Variants in IFT122 observed in about 807,000 individuals in gnomAD.
IFT122 encodes the protein intraflagellar transport protein 122 homolog.
Under a neutral mutation model 161.6 loss-of-function variants are expected in IFT122, and 118 were observed. The ratio of observed to expected loss-of-function variants is 0.73; its 90% CI spans 0.63 to 0.85. The LOEUF (loss-of-function observed/expected upper bound fraction) is 0.85. Ranked by LOEUF, IFT122 falls within the 40% of genes least tolerant of loss-of-function variation. The probability of loss-of-function intolerance (pLI) is 0.00; values close to 1 mark genes in which losing one functional copy is unlikely to be tolerated. For missense variants in IFT122, 1,381 were observed against 1,579.6 expected, an observed-to-expected ratio of 0.87 and a Z score of 2.13; for synonymous variants, 550 against 602.4, an observed-to-expected ratio of 0.91 and a Z score of 1.27.
At chr3:129,495,394 G>C in intron 17 of IFT122, 52 bp from the exon 18 acceptor site, 1 of 1,608,368 alleles carries the variant, frequency 6.2e-7, no homozygotes, top group South Asian at 1.1e-5. Context: ...TGTAAAGGCT[G>C]CTTCCTGCCC....
In IFT122 at chr3:129,454,909, C is replaced by T. The variant is rs75005271; in HGVS notation, c.193+2911C>T. On this transcript the variant is annotated intron_variant, in intron 3 of 29. Coordinates refer to ENST00000348417, the MANE Select transcript of IFT122 (RefSeq NM_052989.3). ...CAGGCAGCAAGGGGACTCTTATCTC[C>T]GCTCAAAGATGAGAAAACAGACTTG... Among the ~76,000 whole-genome samples the T allele has an allele frequency of 8.4e-3, 1,277 of 152,220 alleles. 14 individuals carry two copies. Among genetic ancestry groups the T allele is most frequent in the African/African-American group, 0.029 (1,216 of 41,540 alleles).
In IFT122 at chr3:129,440,310, C is replaced by T. The variant is rs746276677; in HGVS notation, c.-21C>T. On this transcript the variant is annotated 5_prime_UTR_variant, in exon 1 of 30. Transcript: ENST00000348417. ...GACGCTGAGGCGGGTAGGAGGAGCC[C>T]GAGCCGTAAGGGAAGCCGTGATGAG... 1 of 1,545,316 alleles carries T rather than the reference C, an allele frequency of 6.5e-7. No individual in the cohort carries two copies. The highest frequency in any genetic ancestry group is 2.4e-5 in the East Asian group (1 of 40,874).
At chr3:129,502,650 A>C (rs1416728395) in intron 19 of IFT122, 61 bp from the exon 20 acceptor site, 1 of 1,580,884 alleles carries the variant, frequency 6.3e-7, no homozygotes, top group Admixed American at 1.7e-5. Flanking sequence ...ATGAATGGAC[A>C]TACGGCTTGC....
At position 129,512,746 on chromosome 3, in the gene IFT122, G is replaced by A. The variant is rs538179022; in HGVS notation, c.2987+334G>A. The A allele has an allele frequency of 1.6e-3, 650 of 397,676 alleles. 8 individuals carry two copies. Among genetic ancestry groups the A allele is most frequent in the South Asian group, 0.015 (635 of 43,640 alleles). 24.6% of individuals were successfully genotyped at this position (397,676 alleles called of 1,614,324 possible). A position where few individuals can be genotyped will look rare whatever the true frequency, so the allele number is the denominator to read the frequency against. ...CAGGCCTTCAGGCTTGGAACCTTGG[G>A]CACTTCTCCAGACTGGGGAGGAGGG... is the stretch of plus-strand genomic sequence containing the variant. On this transcript the variant is annotated intron_variant, in intron 24 of 29. Transcript: ENST00000348417.
At chr3:129,496,042 G>A (rs1209680307) in intron 18 of IFT122, among the ~76,000 whole-genome samples, 3 of 152,258 alleles carry the variant, frequency 2.0e-5, no homozygotes, top group African/African-American at 7.2e-5. Context: ...GTTTCCCATA[G>A]CACCTGCTGA....
At chr3:129,502,207 C>G (rs1160109552) in intron 19 of IFT122, among the ~76,000 whole-genome samples, 1 of 152,228 alleles carries the variant, frequency 6.6e-6, no homozygotes, top group Non-Finnish European at 1.5e-5. Context: ...CTTTAGAGGG[C>G]AGTCATTGAG....
intron 11 of IFT122, among the ~76,000 whole-genome samples, chr3:129,477,716 G>A (rs966107642): frequency 6.6e-6 from 1 of 152,208 alleles, no homozygotes; most frequent in Non-Finnish European, 1.5e-5. Flanking sequence ...CTGATCACCG[G>A]GGGCCACTAG....
Position 129,506,422 on chromosome 3 carries a change from T to C in IFT122, c.2664T>C (p.Ala888=). ...CCACTCCTACAGCGTTCCACAAGGCTGGGCGACAGAGAGAAGCGGTCCAGG... is the reference window on the plus strand; with the variant it reads ...CCACTCCTACAGCGTTCCACAAGGCCGGGCGACAGAGAGAAGCGGTCCAGG... ...FEEAQKAFHK[A]GRQREAVQVL... is the part of the protein sequence containing the mutation. Residue 888 remains alanine, a synonymous_variant, in exon 22 of 30, where the codon GCT becomes GCC. Transcript: ENST00000348417. The C allele has an allele frequency of 6.2e-7, 1 of 1,614,122 alleles. No homozygotes were observed. Among genetic ancestry groups the C allele is most frequent in the Non-Finnish European group, 8.5e-7 (1 of 1,180,040 alleles).
intron 1 of IFT122, among the ~76,000 whole-genome samples, chr3:129,445,559 C>T (rs1055811457): frequency 5.3e-5 from 8 of 152,196 alleles, no homozygotes; most frequent in Non-Finnish European, 1.0e-4. Context: ...AAATGTTAGT[C>T]ACTGTTATTA....
intron 9 of IFT122, among the ~76,000 whole-genome samples, chr3:129,474,379 G>A (rs2108256700): frequency 6.6e-6 from 1 of 152,190 alleles, no homozygotes; most frequent in Non-Finnish European, 1.5e-5. Context: ...ATCACAAATC[G>A]TCTTTTTATT....
chr3:129,517,941 C>T (rs1249492016), intron 27 of IFT122, among the ~76,000 whole-genome samples: 3 of 152,222 alleles, frequency 2.0e-5, no homozygotes, highest in Admixed American at 6.5e-5. Flanking sequence ...TGTTGGCCCC[C>T]AGCTCTTCCA....
chr3:129,440,572 A>T (rs909978275), intron 1 of IFT122, among the ~76,000 whole-genome samples: 1 of 152,098 alleles, frequency 6.6e-6, no homozygotes, highest in Non-Finnish European at 1.5e-5. Flanking sequence ...CGGCAAAGGG[A>T]GGTGCCGCGC....
intron 1 of IFT122, among the ~76,000 whole-genome samples, chr3:129,448,547 G>A (rs542594894): frequency 2.6e-5 from 4 of 152,084 alleles, no homozygotes; most frequent in African/African-American, 9.7e-5. Flanking sequence ...CATGTTGCCC[G>A]TTTCTTTACT....
At chr3:129,460,002 G>C (rs2076054727) in intron 4 of IFT122, among the ~76,000 whole-genome samples, 1 of 151,604 alleles carries the variant, frequency 6.6e-6, no homozygotes, top group Non-Finnish European at 1.5e-5. Flanking sequence ...GGCTCAAGCA[G>C]TCCTCTCAAA....
intron 3 of IFT122, among the ~76,000 whole-genome samples, chr3:129,453,692 G>A (rs1371190992): frequency 6.6e-6 from 1 of 152,128 alleles, no homozygotes; most frequent in East Asian, 1.9e-4. Context: ...AAGGGAGAGA[G>A]GACAGCAATG....
At position 129,483,476 on chromosome 3, in the gene IFT122, G is replaced by T; in HGVS notation, c.1654-9G>T. ...TTCTCACAGGATCCCCACTGTCCCTGTTCCCCAGGAACCAAACGCCAACAG... is the reference window on the plus strand; with the variant it reads ...TTCTCACAGGATCCCCACTGTCCCTTTTCCCCAGGAACCAAACGCCAACAG... On this transcript the variant is annotated splice_polypyrimidine_tract_variant and intron_variant, in intron 14 of 29. Transcript: ENST00000348417. 2 of 1,613,838 alleles carry T rather than the reference G, an allele frequency of 1.2e-6. No homozygotes were observed. The highest frequency in any genetic ancestry group is 1.7e-6 in the Non-Finnish European group (2 of 1,179,906).
intron 25 of IFT122, 110 bp downstream of exon 25, chr3:129,514,664 C>A: frequency 7.8e-7 from 1 of 1,276,856 alleles, no homozygotes; most frequent in Non-Finnish European, 1.1e-6. Flanking sequence ...GCAGCTCCCT[C>A]TAGGCTCTGT....
chr3:129,513,527 GC>G (rs1464667526), intron 24 of IFT122: 1 of 153,090 alleles, frequency 6.5e-6, no homozygotes. Flanking sequence ...AGCAGTCAGG[GC>G]TATGCCTGTG....
At chr3:129,446,473 C>T (rs2074013843) in intron 1 of IFT122, among the ~76,000 whole-genome samples, 1 of 152,100 alleles carries the variant, frequency 6.6e-6, no homozygotes, top group Non-Finnish European at 1.5e-5. Context: ...CCTCGGCCTC[C>T]CAAAGTGCTG....
Sources: gnomAD v4.1 joint callset for allele counts (sites outside exome capture counted in the v4.1 genomes callset) on GRCh38, gnomAD v4.1.1 for gene constraint, MANE v1.5 for transcripts, NCBI Gene and HGNC (gene_info 2026-07-23, HGNC 2026-07-21) for gene names.